Variants in INPP4B observed in about 807,000 individuals in gnomAD.
The protein encoded by INPP4B is inositol polyphosphate 4-phosphatase type II.
In INPP4B, 55 loss-of-function variants were observed where a neutral mutation model predicts 122.5. The ratio of observed to expected loss-of-function variants is 0.45; its 90% CI spans 0.36 to 0.56. INPP4B has a LOEUF of 0.56. Ranked by LOEUF, INPP4B falls within the 20% of genes least tolerant of loss-of-function variation. The pLI, the probability that INPP4B is intolerant of heterozygous loss-of-function variation, is 0.00. For synonymous variants in INPP4B, 403 were observed against 388.7 expected (o/e 1.04, Z -0.43); for missense variants, 1,000 against 1,097.7 (o/e 0.91, Z 1.26).
intron 1 of INPP4B, among the ~76,000 whole-genome samples, chr4:142,738,266 A>G (rs1248970462): frequency 1.3e-5 from 2 of 152,220 alleles, no homozygotes; most frequent in African/African-American, 4.8e-5. Flanking sequence ...ACACCATGGA[A>G]TACTATGCAG....
intron 1 of INPP4B, among the ~76,000 whole-genome samples, chr4:142,774,024 G>A (rs553022017): frequency 6.6e-6 from 1 of 152,160 alleles, no homozygotes; most frequent in South Asian, 2.1e-4. Flanking sequence ...TAATTTTGTT[G>A]CCTTTAACTT....
chr4:142,560,175 TCAATGCTAACA>T (rs953960750), intron 2 of INPP4B, among the ~76,000 whole-genome samples: 3 of 152,206 alleles, frequency 2.0e-5, no homozygotes, highest in African/African-American at 7.2e-5. Context: ...GATCTAATCC[TCAATGCTAACA>T]GCCTGCGCTT....
intron 2 of INPP4B, among the ~76,000 whole-genome samples, chr4:142,521,737 G>T (rs889854757): frequency 6.6e-6 from 1 of 151,956 alleles, no homozygotes; most frequent in Non-Finnish European, 1.5e-5. Flanking sequence ...TAATACATAA[G>T]ATTTCTGTGT....
At chr4:142,300,637 A>G (rs1046692653) in intron 9 of INPP4B, among the ~76,000 whole-genome samples, 1 of 152,182 alleles carries the variant, frequency 6.6e-6, no homozygotes, top group Non-Finnish European at 1.5e-5. Context: ...TCTATAATAC[A>G]TGTACATATG....
intron 2 of INPP4B, among the ~76,000 whole-genome samples, chr4:142,671,792 A>G (rs1757038287): frequency 6.6e-6 from 1 of 152,166 alleles, no homozygotes; most frequent in African/African-American, 2.4e-5. Context: ...TACATACTGT[A>G]AAATTTACCC....
chr4:142,489,109 A>G (rs1694755720), intron 2 of INPP4B, among the ~76,000 whole-genome samples: 1 of 152,084 alleles, frequency 6.6e-6, no homozygotes, highest in Non-Finnish European at 1.5e-5. Context: ...TTCTTCTTTG[A>G]CCCACAAATT....
At chr4:142,687,559 C>CAAAAAA (rs3080815) in intron 2 of INPP4B, among the ~76,000 whole-genome samples, 1 of 100,606 alleles carries the variant, frequency 9.9e-6, no homozygotes, top group Non-Finnish European at 2.0e-5. Flanking sequence ...ATCCTTCCTC[C>CAAAAAA]AAAAAAAAAA....
At chr4:142,504,576 G>C (rs917628672) in intron 2 of INPP4B, among the ~76,000 whole-genome samples, 7 of 152,132 alleles carry the variant, frequency 4.6e-5, no homozygotes, top group Non-Finnish European at 2.9e-5. Context: ...TAAACACAAA[G>C]ACAAAACCTT....
intron 5 of INPP4B, among the ~76,000 whole-genome samples, chr4:142,423,494 T>C (rs1807370111): frequency 6.7e-6 from 1 of 149,608 alleles, no homozygotes; most frequent in African/African-American, 2.4e-5. Flanking sequence ...ATTTAATACA[T>C]GACCTAACAG....
At chr4:142,736,064 A>T (rs1766835825) in intron 1 of INPP4B, among the ~76,000 whole-genome samples, 1 of 152,058 alleles carries the variant, frequency 6.6e-6, no homozygotes, top group Non-Finnish European at 1.5e-5. Flanking sequence ...CTGAGAGTTT[A>T]GACCTCTTAT....
intron 2 of INPP4B, among the ~76,000 whole-genome samples, chr4:142,574,333 C>T (rs1313082606): frequency 1.3e-5 from 2 of 152,034 alleles, no homozygotes; most frequent in Admixed American, 6.6e-5. Context: ...TCTGACAATC[C>T]TCTATCTGCT....
intron 2 of INPP4B, among the ~76,000 whole-genome samples, chr4:142,500,184 C>G (rs1191349904): frequency 6.6e-6 from 1 of 152,170 alleles, no homozygotes; most frequent in Non-Finnish European, 1.5e-5. Flanking sequence ...AGGAACTTCA[C>G]TTAAGCCCAA....
intron 25 of INPP4B, among the ~76,000 whole-genome samples, chr4:142,034,148 T>G (rs1578673967): frequency 6.6e-6 from 1 of 152,212 alleles, no homozygotes; most frequent in Non-Finnish European, 1.5e-5. Flanking sequence ...TATGTACATA[T>G]AAATATATCA....
chr4:142,503,731 A>G (rs1823671552), intron 2 of INPP4B, among the ~76,000 whole-genome samples: 1 of 152,202 alleles, frequency 6.6e-6, no homozygotes, highest in Admixed American at 6.5e-5. Flanking sequence ...ATAAGGAGGT[A>G]ATTAAAACTT....
At chr4:142,721,405 T>C (rs1764655394) in intron 2 of INPP4B, among the ~76,000 whole-genome samples, 1 of 152,176 alleles carries the variant, frequency 6.6e-6, no homozygotes, top group South Asian at 2.1e-4. Flanking sequence ...TCTGCAATGA[T>C]GTATGGAGTG....
At chr4:142,360,781 T>C (rs1431282435) in intron 7 of INPP4B, among the ~76,000 whole-genome samples, 3 of 151,946 alleles carry the variant, frequency 2.0e-5, no homozygotes, top group African/African-American at 7.2e-5. Context: ...TTCACAAAAA[T>C]AGTGATTATC....
chr4:142,724,832 G>A (rs1426274906), intron 2 of INPP4B, among the ~76,000 whole-genome samples: 1 of 151,916 alleles, frequency 6.6e-6, no homozygotes, highest in South Asian at 2.1e-4. Context: ...GCTTTCTGCT[G>A]ATATCCATTA....
Position 142,663,557 on chromosome 4 carries a change from A to G in INPP4B, c.-191+62282T>C, listed in dbSNP as rs1447416183. ...TAAGAAATGCATCTCTGTTTAGAGA[A>G]TAAGAATGGACAGGTTTTCTTCAAT... On this transcript the variant is annotated intron_variant, in intron 2 of 25. Transcript: ENST00000262992. Among the ~76,000 whole-genome samples, 8 of 152,252 alleles carry G rather than the reference A, an allele frequency of 5.3e-5. No homozygotes were observed. In the East Asian group the frequency reaches 1.5e-3, roughly 29 times the overall value.
At chr4:142,423,817 C>T (rs2149326850) in intron 5 of INPP4B, 1 of 437,504 alleles carries the variant, frequency 2.3e-6, no homozygotes, top group Non-Finnish European at 4.5e-6. Context: ...AAGTTAATTT[C>T]CTATAAAAAA....
Sources: allele counts gnomAD v4.1 joint callset (sites outside exome capture counted in the v4.1 genomes callset), GRCh38; gene constraint gnomAD v4.1.1; transcripts MANE v1.5; gene names NCBI Gene and HGNC (gene_info 2026-07-23, HGNC 2026-07-21).